CAST: variants seen among roughly 807,000 people sequenced by gnomAD.
CAST encodes the protein calpastatin.
CAST carries 76 observed loss-of-function variants against 119.6 expected under a neutral mutation model. The ratio of observed to expected loss-of-function variants is 0.64; its 90% confidence interval spans 0.53 to 0.77. The LOEUF is 0.77. CAST is among the 30% of genes least tolerant of loss of function. CAST has a pLI of 0.00. For missense variants in CAST, 953 were observed against 946.5 expected (o/e 1.01, Z -0.09); for synonymous variants, 319 against 331.6 (o/e 0.96, Z 0.41).
chr5:96,504,138 C>A, the CAST span, among the ~76,000 whole-genome samples: 1 of 152,120 alleles, frequency 6.6e-6, no homozygotes, highest in African/African-American at 2.4e-5. Flanking sequence ...TTTCTTATGT[C>A]CATTGGTCCT....
the CAST span, among the ~76,000 whole-genome samples, chr5:96,107,091 T>C: frequency 6.7e-6 from 1 of 148,624 alleles, no homozygotes; most frequent in African/African-American, 2.5e-5. Flanking sequence ...TCTTCCTCCA[T>C]CCTTTTATTT....
chr5:96,772,241 T>C (rs1772676542), intron 31 of CAST: 1 of 153,706 alleles, frequency 6.5e-6, no homozygotes, highest in Non-Finnish European at 1.5e-5. Context: ...TTATAATTGC[T>C]GAAGAAACTG....
At chr5:96,265,431 G>T in the CAST span, among the ~76,000 whole-genome samples, 1 of 152,118 alleles carries the variant, frequency 6.6e-6, no homozygotes, top group Non-Finnish European at 1.5e-5. Flanking sequence ...AAGACCGAGA[G>T]CCATGGGGTA....
At chr5:96,469,270 A>G in the CAST span, among the ~76,000 whole-genome samples, 2 of 152,074 alleles carry the variant, frequency 1.3e-5, no homozygotes, top group Non-Finnish European at 2.9e-5. Flanking sequence ...TGTTCTCAAT[A>G]TCATCATGTA....
At chr5:96,747,625 T>C (rs552219387) in intron 18 of CAST, among the ~76,000 whole-genome samples, 1 of 152,242 alleles carries the variant, frequency 6.6e-6, no homozygotes, top group Admixed American at 6.5e-5. Flanking sequence ...CTAGGTAAAA[T>C]TTATTGCACA....
At chr5:96,203,198 A>G in the CAST span, among the ~76,000 whole-genome samples, 1 of 152,048 alleles carries the variant, frequency 6.6e-6, no homozygotes, top group East Asian at 1.9e-4. Context: ...ATGCCCTTAA[A>G]TAGTCTTCTA....
intron 3 of CAST, among the ~76,000 whole-genome samples, chr5:96,696,944 C>T (rs536305120): frequency 9.2e-5 from 14 of 151,974 alleles, no homozygotes; most frequent in South Asian, 8.3e-4. Context: ...GGGCAGATCA[C>T]GAGGTCAGAA....
At chr5:96,323,855 C>T in the CAST span, among the ~76,000 whole-genome samples, 5 of 152,330 alleles carry the variant, frequency 3.3e-5, no homozygotes, top group African/African-American at 1.2e-4. Context: ...TCATCTCTGG[C>T]AGAGGTGGAG....
chr5:96,106,388 CT>C, the CAST span, among the ~76,000 whole-genome samples: 1 of 152,196 alleles, frequency 6.6e-6, no homozygotes, highest in Non-Finnish European at 1.5e-5. Context: ...CTACACACTG[CT>C]TTGAATGCGT....
At chr5:96,690,368 G>T (rs1451655694) in intron 2 of CAST, among the ~76,000 whole-genome samples, 3 of 151,938 alleles carry the variant, frequency 2.0e-5, no homozygotes, top group African/African-American at 4.8e-5. Flanking sequence ...AGTAGCTGGG[G>T]TTACAGACAT....
At chr5:96,301,537 T>A in the CAST span, among the ~76,000 whole-genome samples, 1 of 152,160 alleles carries the variant, frequency 6.6e-6, no homozygotes, top group Non-Finnish European at 1.5e-5. Flanking sequence ...TATAAGGCTG[T>A]ACAATCAAAA....
At chr5:95,973,620 T>TA in the CAST span, among the ~76,000 whole-genome samples, 1 of 152,142 alleles carries the variant, frequency 6.6e-6, no homozygotes, top group Non-Finnish European at 1.5e-5. Context: ...TGCACCTAAG[T>TA]AAAAAAATCA....
chr5:96,527,622 T>C (rs1157690698), upstream of CAST, among the ~76,000 whole-genome samples: 1 of 152,162 alleles, frequency 6.6e-6, no homozygotes, highest in African/African-American at 2.4e-5. Context: ...CCTAGAATAG[T>C]AATACACAAT....
chr5:96,216,494 T>C, the CAST span, among the ~76,000 whole-genome samples: 1 of 152,208 alleles, frequency 6.6e-6, no homozygotes, highest in Admixed American at 6.5e-5. Flanking sequence ...ACTTCCCATT[T>C]TCTATGAAAT....
intron 1 of CAST, among the ~76,000 whole-genome samples, chr5:96,597,400 C>T (rs1000879191): frequency 7.9e-5 from 12 of 152,202 alleles, no homozygotes; most frequent in Non-Finnish European, 1.6e-4. Flanking sequence ...AACCTTGCAG[C>T]TGGGACCCTG....
At chr5:96,563,444 C>T (rs1746417942) in intron 1 of CAST, among the ~76,000 whole-genome samples, 1 of 152,038 alleles carries the variant, frequency 6.6e-6, no homozygotes, top group Non-Finnish European at 1.5e-5. Context: ...GCGTAGTATT[C>T]CACTATTTCC....
the CAST span, among the ~76,000 whole-genome samples, chr5:96,345,909 A>G: frequency 2.6e-5 from 4 of 152,202 alleles, no homozygotes; most frequent in Admixed American, 6.5e-5. Context: ...TTTGTAACCC[A>G]TGTAAAAGTG....
At chr5:96,153,327 A>T in the CAST span, among the ~76,000 whole-genome samples, 1 of 152,112 alleles carries the variant, frequency 6.6e-6, no homozygotes, top group South Asian at 2.1e-4. Flanking sequence ...AGAGAGAGAG[A>T]GACATCTGGA....
chr5:96,393,384 A>AT, the CAST span: 1 of 1,613,456 alleles, frequency 6.2e-7, no homozygotes, highest in Non-Finnish European at 8.5e-7. Flanking sequence ...TGCTCCTAAA[A>AT]CATAGAATGC....
Sources: allele counts gnomAD v4.1 joint callset (sites outside exome capture counted in the v4.1 genomes callset), GRCh38; gene constraint gnomAD v4.1.1; transcripts MANE v1.5; gene names NCBI Gene and HGNC (gene_info 2026-07-23, HGNC 2026-07-21).